The following LRBA variants were observed in gnomAD, a reference collection of about 807,000 sequenced individuals.
LRBA encodes the protein lipopolysaccharide-responsive and beige-like anchor protein.
In LRBA, 176 loss-of-function variants were observed where a neutral mutation model predicts 330.0. That is an observed-to-expected ratio of 0.53 (90% CI 0.47 to 0.60). The LOEUF (loss-of-function observed/expected upper bound fraction) is 0.60, where lower values mean the gene tolerates loss of function less well. Ranked by LOEUF, LRBA falls within the 20% of genes least tolerant of loss-of-function variation. LRBA has a pLI of 0.00. For synonymous variants in LRBA, 1,230 were observed against 1,193.0 expected (o/e 1.03, Z -0.64); for missense variants, 3,259 against 3,444.8 (o/e 0.95, Z 1.35).
chr4:150,291,991 C>G (rs1728358431), intron 53 of LRBA, among the ~76,000 whole-genome samples: 2 of 152,192 alleles, frequency 1.3e-5, no homozygotes, highest in Non-Finnish European at 2.9e-5. Flanking sequence ...CCAAACACCG[C>G]ATATTCTCAC....
chr4:150,422,715 C>A, intron 46 of LRBA: 1 of 801,760 alleles, frequency 1.2e-6, no homozygotes. Context: ...CCAGGTGAGC[C>A]TCTGGAACCC....
intron 37 of LRBA, among the ~76,000 whole-genome samples, chr4:150,646,797 A>C (rs987238906): frequency 6.6e-6 from 1 of 152,094 alleles, no homozygotes; most frequent in African/African-American, 2.4e-5. Flanking sequence ...AAAATCCAAA[A>C]TTTTTGAGCA....
chr4:150,434,619 G>A (rs1315267841), intron 46 of LRBA, among the ~76,000 whole-genome samples: 1 of 152,102 alleles, frequency 6.6e-6, no homozygotes, highest in Non-Finnish European at 1.5e-5. Flanking sequence ...ACTTTGGGTG[G>A]CTGAGGAAGG....
At chr4:150,327,953 G>C (rs1733504242) in intron 48 of LRBA, among the ~76,000 whole-genome samples, 1 of 152,112 alleles carries the variant, frequency 6.6e-6, no homozygotes. Flanking sequence ...CCTAGAGACA[G>C]AGAGATTTCT....
intron 36 of LRBA, among the ~76,000 whole-genome samples, chr4:150,728,991 T>G (rs1315168656): frequency 1.3e-5 from 2 of 152,016 alleles, no homozygotes; most frequent in Admixed American, 6.6e-5. Context: ...ATAAACAAAT[T>G]CAGTAAAGTT....
At chr4:150,798,221 C>A in intron 33 of LRBA, 79 bp from the exon 34 acceptor site, 1 of 924,520 alleles carries the variant, frequency 1.1e-6, no homozygotes, top group Non-Finnish European at 1.8e-6. Context: ...CAAACTGTTT[C>A]TTCAAATTAT....
chr4:150,812,407 A>G (rs1052210571), intron 31 of LRBA, among the ~76,000 whole-genome samples: 6 of 152,186 alleles, frequency 3.9e-5, no homozygotes, highest in African/African-American at 1.4e-4. Flanking sequence ...GGAGTAGGCA[A>G]TTGTTTATTT....
intron 34 of LRBA, among the ~76,000 whole-genome samples, chr4:150,795,657 T>C (rs571478697): frequency 6.6e-5 from 10 of 152,092 alleles, no homozygotes; most frequent in African/African-American, 2.4e-4. Context: ...GACTAAAATA[T>C]GAAATGGTGC....
chr4:150,505,701 G>C (rs572299913), intron 40 of LRBA, among the ~76,000 whole-genome samples: 4 of 152,228 alleles, frequency 2.6e-5, no homozygotes, highest in Admixed American at 1.3e-4. Context: ...ACATTCAAAA[G>C]CTAGCAGAAG....
chr4:150,939,193 A>G (rs562305725), intron 2 of LRBA, among the ~76,000 whole-genome samples: 3 of 152,290 alleles, frequency 2.0e-5, no homozygotes, highest in Admixed American at 2.0e-4. Context: ...CCAAGAGGAC[A>G]TATGTTCAAT....
At chr4:150,456,145 T>C (rs574944665) in intron 44 of LRBA, among the ~76,000 whole-genome samples, 1 of 152,316 alleles carries the variant, frequency 6.6e-6, no homozygotes, top group Non-Finnish European at 1.5e-5. Flanking sequence ...GGAGTGCAGA[T>C]ACCTCTTTGA....
At position 150,315,589 on chromosome 4, in the gene LRBA, C is replaced by T. The variant is rs751050269; in HGVS notation, c.7665G>A (p.Gln2555=). The change falls in exon 51 of 57, where the codon CAG becomes CAA. Residue 2555 remains glutamine, a synonymous_variant. Coordinates refer to ENST00000651943, the MANE Select transcript of LRBA (RefSeq NM_001364905.1). Reference sequence around the variant, plus strand: ...TGAGAGGATCGATTTCCACTGGCAGCTGGTATGGCTGGTCTTGTACAGCAC... The same window carrying T: ...TGAGAGGATCGATTTCCACTGGCAGTTGGTATGGCTGGTCTTGTACAGCAC... ...HQGAVQDQPY[Q]LPVEIDPLIA... 3.7e-6 allele frequency: 6 copies of T among 1,612,068 alleles called. No homozygotes were observed. Among genetic ancestry groups the T allele is most frequent in the Non-Finnish European group, 5.1e-6 (6 of 1,179,008 alleles).
chr4:150,704,511 T>A (rs1785425062), intron 36 of LRBA, among the ~76,000 whole-genome samples: 1 of 152,056 alleles, frequency 6.6e-6, no homozygotes, highest in Non-Finnish European at 1.5e-5. Flanking sequence ...GTATTTCAGG[T>A]TAACCTTCTG....
intron 30 of LRBA, among the ~76,000 whole-genome samples, chr4:150,823,781 T>C (rs1745819231): frequency 6.6e-6 from 1 of 152,178 alleles, no homozygotes; most frequent in Non-Finnish European, 1.5e-5. Flanking sequence ...TGTGGATTTA[T>C]TTGAGTTCTC....
intron 47 of LRBA, among the ~76,000 whole-genome samples, chr4:150,358,566 A>C (rs1738210294): frequency 1.3e-5 from 2 of 152,160 alleles, no homozygotes; most frequent in Non-Finnish European, 2.9e-5. Flanking sequence ...CTAGAAACTT[A>C]ATGTTGAGGA....
intron 26 of LRBA, among the ~76,000 whole-genome samples, chr4:150,846,378 G>C (rs1293920556): frequency 1.3e-5 from 2 of 151,746 alleles, no homozygotes; most frequent in Admixed American, 6.6e-5. Flanking sequence ...AAAATGCAAA[G>C]AATTAGCCGG....
rs1048913771 is a variant in LRBA, at chr4:150,512,817, A to G, written c.6331-21782T>C. On this transcript the variant is annotated intron_variant, in intron 40 of 56. Coordinates refer to ENST00000651943, the MANE Select transcript of LRBA (RefSeq NM_001364905.1). ...TTCTGAACACCTTCACCTCCCCCCA[A>G]AAAAGGGAACAGGTAATAAAAATAT... 3.9e-5 allele frequency among the ~76,000 whole-genome samples: 6 copies of G among 152,152 alleles called. No homozygotes were observed. The South Asian group carries it at 1.2e-3, about 32-fold the overall frequency.
rs551802155 is a variant in LRBA, at chr4:150,569,775, A to C, written c.6330+18273T>G. Among the ~76,000 whole-genome samples, 802 of 152,216 alleles carry C rather than the reference A, an allele frequency of 5.3e-3. 4 individuals are homozygous for C. Among genetic ancestry groups the C allele is most frequent in the Non-Finnish European group, 7.5e-3 (511 of 67,996 alleles). On this transcript the variant is annotated intron_variant, in intron 40 of 56. Coordinates refer to ENST00000651943, the MANE Select transcript of LRBA (RefSeq NM_001364905.1). ...GATCTGACCACCATTTGACCTCTGAAATTTCTACCACCTAAATACCATGAA... is the reference window on the plus strand; with the variant it reads ...GATCTGACCACCATTTGACCTCTGACATTTCTACCACCTAAATACCATGAA...
intron 37 of LRBA, among the ~76,000 whole-genome samples, chr4:150,632,690 C>T (rs1777508898): frequency 1.3e-5 from 2 of 152,320 alleles, no homozygotes; most frequent in Middle Eastern, 3.4e-3. Flanking sequence ...TGTCCTGTGG[C>T]ATCTTCCCCA....
Sources: gnomAD v4.1 joint callset for allele counts (sites outside exome capture counted in the v4.1 genomes callset) on GRCh38, gnomAD v4.1.1 for gene constraint, MANE v1.5 for transcripts, NCBI Gene and HGNC (gene_info 2026-07-23, HGNC 2026-07-21) for gene names.